The following ADGRB2 variants were observed in gnomAD, a reference collection of about 807,000 sequenced individuals.
The protein encoded by ADGRB2 is adhesion G protein-coupled receptor B2.
ADGRB2 carries 47 observed loss-of-function variants against 178.7 expected under a neutral mutation model. That is an observed-to-expected ratio of 0.26 (90% CI 0.21 to 0.34). The LOEUF (loss-of-function observed/expected upper bound fraction) is 0.34. Among genes scored for constraint, ADGRB2 ranks in the 10% least tolerant of loss-of-function variants. The pLI is 1.00. For missense variants in ADGRB2, 1,584 were observed against 2,180.8 expected, an observed-to-expected ratio of 0.73 and a Z score of 5.45; for synonymous variants, 870 against 912.4, an observed-to-expected ratio of 0.95 and a Z score of 0.84.
intron 7 of ADGRB2, 124 bp from the exon 8 acceptor site, chr1:31,742,341 T>C: frequency 7.5e-7 from 1 of 1,327,422 alleles, no homozygotes. Context: ...CCAGACCCAC[T>C]GGAGTGGGGA....
Position 31,728,461 on chromosome 1 carries a change from G to T in ADGRB2, c.4416+137C>A. 1.4e-6 allele frequency: 2 copies of T among 1,417,278 alleles called. No homozygotes were observed. The highest frequency in any genetic ancestry group is 2.0e-6 in the Non-Finnish European group (2 of 1,005,836). 87.8% of individuals were successfully genotyped at this position (1,417,278 alleles called of 1,614,324 possible). A position where few individuals can be genotyped will look rare whatever the true frequency, so the allele number is the denominator to read the frequency against. ...TTGGGCAGGGAGGGAATCATGGGAA[G>T]ATCCCACGGAACCCCCGGGCTTGGG... On this transcript the variant is annotated intron_variant, in intron 30 of 32. Coordinates refer to ENST00000373658, the MANE Select transcript of ADGRB2 (RefSeq NM_001364857.2). This position sits in a 1 kb window ranked among gnomAD's most constrained non-coding sequence, Gnocchi z 6.7.
intron 1 of ADGRB2, among the ~76,000 whole-genome samples, chr1:31,763,367 GA>G: frequency 6.6e-6 from 1 of 151,900 alleles, no homozygotes; most frequent in East Asian, 1.9e-4. Flanking sequence ...GGGGAGGGTA[GA>G]AACTATGGGC....
Position 31,735,901 on chromosome 1 carries a change from G to T in ADGRB2, c.3201-8C>A, listed in dbSNP as rs201681314. 9 of 1,583,396 alleles carry T rather than the reference G, an allele frequency of 5.7e-6. No homozygotes were observed. The highest frequency in any genetic ancestry group is 2.3e-5 in the South Asian group (2 of 87,132). On this transcript the variant is annotated splice_region_variant and splice_polypyrimidine_tract_variant and intron_variant, in intron 22 of 32. Coordinates refer to ENST00000373658, the MANE Select transcript of ADGRB2 (RefSeq NM_001364857.2). This position sits in a 1 kb window ranked among gnomAD's most constrained non-coding sequence, Gnocchi z 6.0. ...TCCAGGGAGAGCCAGCAGCTGGGGT[G>T]GGGGAGAAGAAGGGTGTCAGACACC...
chr1:31,733,120 A>G lies in ADGRB2; in HGVS notation c.3476T>C (p.Val1159Ala). 2 of 1,586,294 alleles carry G rather than the reference A, an allele frequency of 1.3e-6. No homozygotes were observed. The highest frequency in any genetic ancestry group is 1.7e-6 in the Non-Finnish European group (2 of 1,166,300). ...GGTGAGCGCCAGCAGGGGCAGCACC[A>G]CGCAGGAGCTCCAGAGTGAGGCCCT... The part of the protein sequence containing the change: ...NAMASLWSSC[V>A]VLPLLALTWM... The change falls in exon 26 of 33, where the codon GTG (valine) becomes GCG (alanine). Residue 1159 changes from valine (V) to alanine (A), a missense_variant. By Grantham distance (64) the Val-to-Ala change is moderately conservative. Transcript: ENST00000373658. This position sits in a 1 kb window ranked among gnomAD's most constrained non-coding sequence, Gnocchi z 4.3.
intron 4 of ADGRB2, among the ~76,000 whole-genome samples, chr1:31,752,523 TC>T (rs1035398930): frequency 3.9e-5 from 6 of 151,976 alleles, no homozygotes; most frequent in African/African-American, 1.5e-4. Context: ...GAAACGCCAA[TC>T]TTAGGACAGG....
At chr1:31,749,561 T>C (rs1044573322) in intron 4 of ADGRB2, among the ~76,000 whole-genome samples, 3 of 152,254 alleles carry the variant, frequency 2.0e-5, no homozygotes, top group Admixed American at 6.5e-5. Flanking sequence ...AGGTTCATTG[T>C]GAGAATTCAG....
At position 31,727,652 on chromosome 1, in the gene ADGRB2, C is replaced by G; in HGVS notation, c.4573-47G>C. ...CCGTGGAGATGGGCCAATATCCTTA[C>G]CCATTGTACAGACGATCAAACTGAG... On this transcript the variant is annotated intron_variant, in intron 32 of 32. Coordinates refer to ENST00000373658, the MANE Select transcript of ADGRB2 (RefSeq NM_001364857.2). This position sits in a 1 kb window ranked among gnomAD's most constrained non-coding sequence, Gnocchi z 4.4. 1 of 1,443,550 alleles carries G rather than the reference C, an allele frequency of 6.9e-7. No individual in the cohort carries two copies. 89.4% of individuals were successfully genotyped at this position (1,443,550 alleles called of 1,614,324 possible). A position where few individuals can be genotyped will look rare whatever the true frequency, so the allele number is the denominator to read the frequency against.
chr1:31,735,331 C>G lies in ADGRB2; in HGVS notation c.3354-50G>C. ...GAAGGAGGGGAAACACATGGGAAGC[C>G]GGGAGATGGGGCAGAATGAGCCCCG... On this transcript the variant is annotated intron_variant, in intron 24 of 32. Coordinates refer to ENST00000373658, the MANE Select transcript of ADGRB2 (RefSeq NM_001364857.2). The surrounding 1 kb of genome is among the most constrained non-coding windows in gnomAD (Gnocchi z 6.0). The G allele has an allele frequency of 1.2e-6, 1 of 858,646 alleles. No homozygotes were observed. The highest frequency in any genetic ancestry group is 1.5e-5 in the South Asian group (1 of 66,370). The allele number at this position is 858,646 out of a possible 1,614,324, so 53.2% of individuals were successfully genotyped here. A position where few individuals can be genotyped will look rare whatever the true frequency, so the allele number is the denominator to read the frequency against.
intron 26 of ADGRB2, 43 bp from the exon 27 acceptor site, chr1:31,732,655 GC>G: frequency 1.3e-6 from 2 of 1,594,514 alleles, no homozygotes; most frequent in Non-Finnish European, 8.6e-7. Flanking sequence ...CCACTGCAGG[GC>G]CCCCGACCAC....
Position 31,735,133 on chromosome 1 carries a change from AAT to A in ADGRB2, c.3452+48_3452+49del. 1 of 225,690 alleles carries A rather than the reference AAT, an allele frequency of 4.4e-6. No individual in the cohort carries two copies. Among genetic ancestry groups the A allele is most frequent in the Non-Finnish European group, 7.3e-6 (1 of 137,896 alleles). 14.0% of individuals were successfully genotyped at this position (225,690 alleles called of 1,614,324 possible). Reference sequence around the variant, plus strand: ...CCCCACCATGGGCACTGCCCCCCCCAATTCCTTTGCCCCACCCACCCCCACCG... The same window carrying A: ...CCCCACCATGGGCACTGCCCCCCCCATCCTTTGCCCCACCCACCCCCACCG... On this transcript the variant is annotated intron_variant, in intron 25 of 32. Coordinates refer to ENST00000373658, the MANE Select transcript of ADGRB2 (RefSeq NM_001364857.2). The surrounding 1 kb of genome is among the most constrained non-coding windows in gnomAD (Gnocchi z 6.0).
Position 31,727,723 on chromosome 1 carries a change from G to A in ADGRB2, c.4573-118C>T, listed in dbSNP as rs1645056212. The A allele has an allele frequency of 1.7e-6, 2 of 1,156,260 alleles. No homozygotes were observed. Among genetic ancestry groups the A allele is most frequent in the Non-Finnish European group, 2.3e-6 (2 of 851,424 alleles). The allele number at this position is 1,156,260 out of a possible 1,614,324, so 71.6% of individuals were successfully genotyped here. The stretch of plus-strand genomic sequence containing the variant: ...AATGCCCAAAGTTATGGAGCAATCA[G>A]GTGTCAAGCAGAATTCAAATACAGA... On this transcript the variant is annotated intron_variant, in intron 32 of 32. Coordinates refer to ENST00000373658, the MANE Select transcript of ADGRB2 (RefSeq NM_001364857.2). The surrounding 1 kb of genome is among the most constrained non-coding windows in gnomAD (Gnocchi z 4.4).
Position 31,740,929 on chromosome 1 carries a change from T to A in ADGRB2, c.1795-388A>T, listed in dbSNP as rs1357685777. Among the ~76,000 whole-genome samples, 23 of 93,826 alleles carry A rather than the reference T, an allele frequency of 2.5e-4. No homozygotes were observed. The highest frequency in any genetic ancestry group is 6.0e-3 in the Middle Eastern group (1 of 166). The allele number at this position is 93,826 out of a possible 152,430, so 61.6% of individuals were successfully genotyped here. A position where few individuals can be genotyped will look rare whatever the true frequency, so the allele number is the denominator to read the frequency against. On this transcript the variant is annotated intron_variant, in intron 11 of 32. Transcript: ENST00000373658. This position sits in a 1 kb window ranked among gnomAD's most constrained non-coding sequence, Gnocchi z 5.9. ...CACACACACACACACACACACACTG[T>A]CTTTCTCTCTCTCACTCTCTCTCAA...
rs1026183201 is a variant in ADGRB2, at chr1:31,763,757, G to T, written c.-191+127C>A. 6 of 978,674 alleles carry T rather than the reference G, an allele frequency of 6.1e-6. No homozygotes were observed. In the African/African-American group the frequency reaches 8.7e-5, roughly 14 times the overall value. 60.6% of individuals were successfully genotyped at this position (978,674 alleles called of 1,614,324 possible). On this transcript the variant is annotated intron_variant, in intron 1 of 32. Transcript: ENST00000373658. Reference sequence around the variant, plus strand: ...GCGAACGCTGAACGAACTCAGTTCGGGCTGGGGGAGAATTCAGCAGAGACG... The same window carrying T: ...GCGAACGCTGAACGAACTCAGTTCGTGCTGGGGGAGAATTCAGCAGAGACG...
In ADGRB2 at chr1:31,737,689, G is replaced by A. The variant is rs140670970; in HGVS notation, c.2839C>T (p.Leu947=). The stretch of plus-strand genomic sequence containing the variant: ...GCATAGATGGCGAGCAGGGTGAGCA[G>A]CGCCATGCACGACACTGCACAGCCG... The part of the protein sequence containing the change: ...VIGCAVSCMA[L]LTLLAIYAAF... The change falls in exon 19 of 33, where the codon CTG becomes TTG. Residue 947 remains leucine, a synonymous_variant. Transcript: ENST00000373658. 6.2e-7 allele frequency: 1 copy of A among 1,613,706 alleles called. No homozygotes were observed. The highest frequency in any genetic ancestry group is 1.3e-5 in the African/African-American group (1 of 74,908).
rs752544952 is a variant in ADGRB2, at chr1:31,744,330, G to A, written c.950C>T (p.Pro317Leu). 13 of 1,550,904 alleles carry A rather than the reference G, an allele frequency of 8.4e-6. No individual in the cohort carries two copies. The highest frequency in any genetic ancestry group is 8.7e-6 in the Non-Finnish European group (10 of 1,146,902). Residue 317 changes from proline to leucine, a missense_variant, in exon 6 of 33, where the codon CCG (proline) becomes CTG (leucine). Pro to Leu is a moderately conservative substitution (Grantham distance 98). Transcript: ENST00000373658. The surrounding 1 kb of genome is among the most constrained non-coding windows in gnomAD (Gnocchi z 6.7). ...TGDPAAEEWS[P>L]WSVCSLTCGQ... is the part of the protein sequence containing the mutation. ...ACACGTCAGGGAACACACGCTCCACGGGGACCACTCCTCAGCCGCCGGGTC... is the reference window on the plus strand; with the variant it reads ...ACACGTCAGGGAACACACGCTCCACAGGGACCACTCCTCAGCCGCCGGGTC...
intron 4 of ADGRB2, among the ~76,000 whole-genome samples, chr1:31,745,075 T>C (rs1646203794): frequency 6.6e-6 from 1 of 152,222 alleles, no homozygotes. Flanking sequence ...TCTCCTTTAG[T>C]CCTCTCACTG....
Position 31,741,778 on chromosome 1 carries a change from C to T in ADGRB2, c.1585+22G>A. ...GGGTCCACACATGGGGCCCCCAGCC[C>T]CCAGGGTCATTAGGGCAGTACCTGG... On this transcript the variant is annotated intron_variant, in intron 9 of 32. Coordinates refer to ENST00000373658, the MANE Select transcript of ADGRB2 (RefSeq NM_001364857.2). The surrounding 1 kb of genome is among the most constrained non-coding windows in gnomAD (Gnocchi z 6.5). The T allele has an allele frequency of 6.3e-7, 1 of 1,597,642 alleles. No individual in the cohort carries two copies. Among genetic ancestry groups the T allele is most frequent in the African/African-American group, 1.3e-5 (1 of 74,714 alleles).
At chr1:31,732,470 G>A (rs1238738863) in intron 27 of ADGRB2, 47 bp downstream of exon 27, 1 of 1,593,556 alleles carries the variant, frequency 6.3e-7, no homozygotes, top group Non-Finnish European at 8.6e-7. Flanking sequence ...GATTGGGGTG[G>A]GGGGTGCCCA....
chr1:31,754,875 G>A lies in ADGRB2; in HGVS notation c.838+1124C>T, dbSNP rs1646756602. Among the ~76,000 whole-genome samples the A allele has an allele frequency of 2.6e-5, 4 of 152,356 alleles. No homozygotes were observed. Among genetic ancestry groups the A allele is most frequent in the South Asian group, 4.1e-4 (2 of 4,824 alleles). ...GCCAACTCCAGGGCTCTAGCCAGCA[G>A]AGCAGGGCTGGGGACAGGCCGCTCT... On this transcript the variant is annotated intron_variant, in intron 4 of 32. Transcript: ENST00000373658. This position sits in a 1 kb window ranked among gnomAD's most constrained non-coding sequence, Gnocchi z 5.7.
Sources: allele counts gnomAD v4.1 joint callset (sites outside exome capture counted in the v4.1 genomes callset), GRCh38; gene constraint gnomAD v4.1.1; non-coding constraint Gnocchi (gnomAD v3.1); transcripts MANE v1.5; gene names NCBI Gene and HGNC (gene_info 2026-07-23, HGNC 2026-07-21).